Variants in CTIF observed in about 807,000 individuals in gnomAD.
CTIF encodes CBP80/20-dependent translation initiation factor.
Under a neutral mutation model 66.0 loss-of-function variants are expected in CTIF, and 21 were observed. That is an observed-to-expected ratio of 0.32 (90% confidence interval 0.23 to 0.46). The LOEUF is 0.46. Ranked by LOEUF, CTIF falls within the 20% of genes least tolerant of loss-of-function variation. CTIF has a pLI of 1.00. For synonymous variants in CTIF, 345 were observed against 326.4 expected, an observed-to-expected ratio of 1.06 and a Z score of -0.62; for missense variants, 739 against 812.7, an observed-to-expected ratio of 0.91 and a Z score of 1.10.
intron 1 of CTIF, among the ~76,000 whole-genome samples, chr18:48,613,879 A>G (rs1423436198): frequency 6.6e-6 from 1 of 152,074 alleles, no homozygotes; most frequent in Non-Finnish European, 1.5e-5. Flanking sequence ...CCAGCTGTAG[A>G]CTCAGGGCTG....
chr18:48,569,266 G>A (rs1333949909), intron 1 of CTIF, among the ~76,000 whole-genome samples: 1 of 152,044 alleles, frequency 6.6e-6, no homozygotes, highest in African/African-American at 2.4e-5. Flanking sequence ...TTTCCAGAGC[G>A]TGCACAGTTT....
At position 48,636,698 on chromosome 18, in the gene CTIF, C is replaced by G. The variant is rs935074001; in HGVS notation, c.252+13C>G. The G allele has an allele frequency of 5.7e-6, 9 of 1,581,610 alleles. No individual in the cohort carries two copies. Among genetic ancestry groups the G allele is most frequent in the Non-Finnish European group, 7.7e-6 (9 of 1,166,532 alleles). On this transcript the variant is annotated intron_variant, in intron 3 of 11. Transcript: ENST00000256413. The stretch of plus-strand genomic sequence containing the variant: ...CCCCCCACAGCAGGTAGGGAACCAG[C>G]TCTGCGCTCTGTCTGGGGGTGTCCT...
At chr18:48,859,089 T>C (rs1013979917) in intron 11 of CTIF, among the ~76,000 whole-genome samples, 1 of 152,178 alleles carries the variant, frequency 6.6e-6, no homozygotes, top group East Asian at 1.9e-4. Flanking sequence ...GTGACAGCTC[T>C]TTCAGCCCTG....
intron 7 of CTIF, among the ~76,000 whole-genome samples, chr18:48,723,056 A>T (rs915312443): frequency 2.6e-5 from 4 of 152,162 alleles, no homozygotes; most frequent in Non-Finnish European, 4.4e-5. Flanking sequence ...CAATTTACAG[A>T]TGAGGAAAGT....
chr18:48,785,504 A>G (rs1911627385), intron 9 of CTIF, among the ~76,000 whole-genome samples: 2 of 152,166 alleles, frequency 1.3e-5, no homozygotes, highest in African/African-American at 2.4e-5. Context: ...CCCCCTGCCT[A>G]CCTGAAGACA....
intron 6 of CTIF, among the ~76,000 whole-genome samples, chr18:48,679,019 C>T (rs920489426): frequency 1.3e-5 from 2 of 152,190 alleles, no homozygotes; most frequent in Admixed American, 6.5e-5. Flanking sequence ...ACCCTATCGC[C>T]GGCAAAGCCT....
chr18:48,703,091 A>G (rs925173604), intron 6 of CTIF, among the ~76,000 whole-genome samples: 4 of 152,110 alleles, frequency 2.6e-5, no homozygotes, highest in Non-Finnish European at 5.9e-5. Context: ...AGATGATGGG[A>G]GTCTGCAAGT....
At chr18:48,656,970 A>G (rs2091256221) in intron 3 of CTIF, among the ~76,000 whole-genome samples, 1 of 152,242 alleles carries the variant, frequency 6.6e-6, no homozygotes, top group Admixed American at 6.5e-5. Context: ...AGTCTGTGCG[A>G]AGAAATATTT....
intron 10 of CTIF, among the ~76,000 whole-genome samples, chr18:48,840,208 A>T (rs1046822819): frequency 6.6e-6 from 1 of 152,232 alleles, no homozygotes; most frequent in African/African-American, 2.4e-5. Flanking sequence ...CCAGAGGCAG[A>T]TAAGGGCAGG....
chr18:48,642,567 G>A (rs1216944376), intron 3 of CTIF, among the ~76,000 whole-genome samples: 1 of 152,194 alleles, frequency 6.6e-6, no homozygotes, highest in Non-Finnish European at 1.5e-5. Flanking sequence ...ATGCAGAGGG[G>A]TCTGTGTGTG....
chr18:48,784,859 G>A (rs921768647), intron 9 of CTIF, among the ~76,000 whole-genome samples: 7 of 152,312 alleles, frequency 4.6e-5, no homozygotes, highest in South Asian at 2.1e-4. Flanking sequence ...ATTCATGCAC[G>A]TGTACATGTG....
intron 6 of CTIF, among the ~76,000 whole-genome samples, chr18:48,695,709 A>C (rs562580306): frequency 6.6e-6 from 1 of 152,230 alleles, no homozygotes; most frequent in Admixed American, 6.5e-5. Flanking sequence ...GCCTCCATAC[A>C]TTACAGCCCG....
chr18:48,597,291 C>T (rs1407592693), intron 1 of CTIF, among the ~76,000 whole-genome samples: 13 of 152,202 alleles, frequency 8.5e-5, no homozygotes, highest in African/African-American at 3.1e-4. Flanking sequence ...GATAGATGAC[C>T]AGTCAGCTAA....
Position 48,712,939 on chromosome 18 carries a change from C to A in CTIF, c.584+1244C>A, listed in dbSNP as rs116608629. Among the ~76,000 whole-genome samples the A allele has an allele frequency of 8.4e-3, 1,282 of 152,350 alleles. 13 individuals are homozygous for A. Among genetic ancestry groups the A allele is most frequent in the African/African-American group, 0.029 (1,216 of 41,576 alleles). ...ATGTATAAGTAGCTTGGGAAGAAGG[C>A]AGTGTCCTGGCTTAGAAATCAGAAC... On this transcript the variant is annotated intron_variant, in intron 7 of 11. Transcript: ENST00000256413.
rs145145767 is a variant in CTIF, at chr18:48,761,700, G to T, written c.1371+11G>T. On this transcript the variant is annotated intron_variant, in intron 9 of 11. Coordinates refer to ENST00000256413, the MANE Select transcript of CTIF (RefSeq NM_014772.3). The surrounding 1 kb of genome is among the most constrained non-coding windows in gnomAD (Gnocchi z 4.2). ...CTCAACATGCTGCAGGTAACTGGAC[G>T]CCGGCCACCACCGCCCCGCGCCCCC... The T allele has an allele frequency of 6.2e-7, 1 of 1,600,664 alleles. No individual in the cohort carries two copies. The highest frequency in any genetic ancestry group is 8.5e-7 in the Non-Finnish European group (1 of 1,170,246).
At chr18:48,687,017 A>G (rs1350862093) in intron 6 of CTIF, among the ~76,000 whole-genome samples, 5 of 152,150 alleles carry the variant, frequency 3.3e-5, no homozygotes, top group Non-Finnish European at 4.4e-5. Context: ...CATGTGGTCA[A>G]TCCTGTCGAG....
chr18:48,643,891 C>G (rs2090978527), intron 3 of CTIF, among the ~76,000 whole-genome samples: 1 of 152,158 alleles, frequency 6.6e-6, no homozygotes, highest in South Asian at 2.1e-4. Context: ...CAAGTCCCCA[C>G]CATGTTAGCA....
At chr18:48,562,154 G>A (rs1453858808) in intron 1 of CTIF, among the ~76,000 whole-genome samples, 1 of 152,174 alleles carries the variant, frequency 6.6e-6, no homozygotes, top group Non-Finnish European at 1.5e-5. Context: ...AACAATAAAA[G>A]CAATTCTCAC....
At chr18:48,738,545 C>T (rs1037825008) in intron 7 of CTIF, among the ~76,000 whole-genome samples, 2 of 152,100 alleles carry the variant, frequency 1.3e-5, no homozygotes, top group South Asian at 2.1e-4. Flanking sequence ...TCCCCCTCCC[C>T]GGATTGCTCT....
Sources: allele counts gnomAD v4.1 joint callset (sites outside exome capture counted in the v4.1 genomes callset), GRCh38; gene constraint gnomAD v4.1.1; non-coding constraint Gnocchi (gnomAD v3.1); transcripts MANE v1.5; gene names NCBI Gene and HGNC (gene_info 2026-07-23, HGNC 2026-07-21).